Variants in TRPC4AP observed in about 807,000 individuals in gnomAD.
TRPC4AP encodes short transient receptor potential channel 4-associated protein.
TRPC4AP carries 45 observed loss-of-function variants against 99.0 expected under a neutral mutation model. The ratio of observed to expected loss-of-function variants is 0.45; its 90% CI spans 0.36 to 0.58. TRPC4AP has a LOEUF of 0.58. Among genes scored for constraint, TRPC4AP ranks in the 20% least tolerant of loss-of-function variants. TRPC4AP has a pLI of 0.00. For missense variants in TRPC4AP, 879 were observed against 985.3 expected, an observed-to-expected ratio of 0.89 and a Z score of 1.44; for synonymous variants, 408 against 385.8, an observed-to-expected ratio of 1.06 and a Z score of -0.67.
chr20:35,013,456 T>C (rs1332504130), intron 10 of TRPC4AP, among the ~76,000 whole-genome samples: 1 of 152,132 alleles, frequency 6.6e-6, no homozygotes, highest in Non-Finnish European at 1.5e-5. Flanking sequence ...GCTGCGCCTG[T>C]AATTCTGGCT....
intron 8 of TRPC4AP, among the ~76,000 whole-genome samples, chr20:35,022,586 C>G (rs2082918130): frequency 6.6e-6 from 1 of 152,174 alleles, no homozygotes; most frequent in African/African-American, 2.4e-5. Context: ...AAGGTCCTCT[C>G]AAGTTCCTAC....
intron 1 of TRPC4AP, among the ~76,000 whole-genome samples, chr20:35,084,251 A>G (rs894552821): frequency 6.6e-6 from 1 of 151,550 alleles, no homozygotes; most frequent in Non-Finnish European, 1.5e-5. Flanking sequence ...GCCGGGCAAC[A>G]GTGCGAGACT....
At chr20:35,088,729 G>A (rs994974124) in intron 1 of TRPC4AP, among the ~76,000 whole-genome samples, 2 of 152,096 alleles carry the variant, frequency 1.3e-5, no homozygotes, top group Non-Finnish European at 2.9e-5. Flanking sequence ...TTCAATTCAG[G>A]TCCACCTTAC....
At chr20:35,066,594 C>T (rs1023300873) in intron 3 of TRPC4AP, among the ~76,000 whole-genome samples, 1 of 151,958 alleles carries the variant, frequency 6.6e-6, no homozygotes, top group Non-Finnish European at 1.5e-5. Flanking sequence ...AGTCATTACA[C>T]CAAAATAAAC....
chr20:35,025,708 C>T (rs2083013425), intron 8 of TRPC4AP, among the ~76,000 whole-genome samples: 1 of 152,102 alleles, frequency 6.6e-6, no homozygotes, highest in African/African-American at 2.4e-5. Context: ...CCACAAAAAA[C>T]GTTCTTCCAT....
intron 7 of TRPC4AP, among the ~76,000 whole-genome samples, chr20:35,041,735 C>G (rs888395079): frequency 6.6e-6 from 1 of 152,140 alleles, no homozygotes; most frequent in Non-Finnish European, 1.5e-5. Context: ...AGAATAGATT[C>G]CTTAAATGGG....
intron 7 of TRPC4AP, among the ~76,000 whole-genome samples, chr20:35,042,771 A>G (rs998451848): frequency 6.6e-6 from 1 of 152,202 alleles, no homozygotes; most frequent in Non-Finnish European, 1.5e-5. Flanking sequence ...TAGATAGAAC[A>G]CAGTTCTTTT....
At position 35,002,994 on chromosome 20, in the gene TRPC4AP, G is replaced by A; in HGVS notation, c.*152C>T. The A allele has an allele frequency of 9.2e-7, 1 of 1,091,254 alleles. No individual in the cohort carries two copies. Among genetic ancestry groups the A allele is most frequent in the East Asian group, 2.5e-5 (1 of 40,726 alleles). The allele number at this position is 1,091,254 out of a possible 1,614,324, so 67.6% of individuals were successfully genotyped here. A position where few individuals can be genotyped will look rare whatever the true frequency, so the allele number is the denominator to read the frequency against. ...GGCCCTCAGACCCAGGGGGACCAAG[G>A]GCTTCTAGGACTTCCCTCCCACCAA... On this transcript the variant is annotated 3_prime_UTR_variant, in exon 19 of 19. Transcript: ENST00000252015.
chr20:35,008,568 T>C (rs1395529836), intron 13 of TRPC4AP, 96 bp downstream of exon 13: 6 of 1,041,398 alleles, frequency 5.8e-6, no homozygotes, highest in Non-Finnish European at 8.6e-6. Context: ...TCAGGAGGCA[T>C]GGACGCTGGT....
chr20:35,075,767 T>A (rs1263001464), intron 2 of TRPC4AP, among the ~76,000 whole-genome samples: 3 of 152,202 alleles, frequency 2.0e-5, no homozygotes, highest in African/African-American at 7.2e-5. Flanking sequence ...AGTATCTTTG[T>A]GGCGTTCTCT....
intron 3 of TRPC4AP, among the ~76,000 whole-genome samples, chr20:35,063,284 T>C (rs1290712491): frequency 3.9e-5 from 6 of 152,224 alleles, no homozygotes; most frequent in Admixed American, 6.5e-5. Flanking sequence ...TTAAACCTCC[T>C]TCCTTTATAA....
intron 3 of TRPC4AP, among the ~76,000 whole-genome samples, chr20:35,065,101 G>A (rs1199583275): frequency 1.3e-5 from 2 of 152,172 alleles, no homozygotes; most frequent in African/African-American, 2.4e-5. Flanking sequence ...TGCATAGAAT[G>A]TATTTAAAAT....
intron 1 of TRPC4AP, among the ~76,000 whole-genome samples, chr20:35,085,060 G>C (rs144720654): frequency 6.6e-6 from 1 of 152,200 alleles, no homozygotes; most frequent in Non-Finnish European, 1.5e-5. Flanking sequence ...AAAAGAAACA[G>C]CTTTATAACC....
At chr20:35,070,490 A>T (rs2084278739) in intron 2 of TRPC4AP, among the ~76,000 whole-genome samples, 1 of 151,274 alleles carries the variant, frequency 6.6e-6, no homozygotes. Flanking sequence ...GGCTCACTGC[A>T]AGCTCTGCCT....
At chr20:35,076,072 C>T (rs999444097) in intron 2 of TRPC4AP, among the ~76,000 whole-genome samples, 1 of 152,130 alleles carries the variant, frequency 6.6e-6, no homozygotes, top group African/African-American at 2.4e-5. Flanking sequence ...CTTGTGCATG[C>T]GTCACGTAGT....
Position 35,092,807 on chromosome 20 carries a change from C to T in TRPC4AP, c.-26G>A, listed in dbSNP as rs756743025. 1 of 1,495,314 alleles carries T rather than the reference C, an allele frequency of 6.7e-7. No homozygotes were observed. The highest frequency in any genetic ancestry group is 2.7e-5 in the East Asian group (1 of 37,520). 92.6% of individuals were successfully genotyped at this position (1,495,314 alleles called of 1,614,324 possible). On this transcript the variant is annotated 5_prime_UTR_variant, in exon 1 of 19. Coordinates refer to ENST00000252015, the MANE Select transcript of TRPC4AP (RefSeq NM_015638.3). ...GTCTCCTCGTCGGACAAACAGGAAGCAAGCGGCCTCGGGGCCGCGGAGATT... is the reference window on the plus strand; with the variant it reads ...GTCTCCTCGTCGGACAAACAGGAAGTAAGCGGCCTCGGGGCCGCGGAGATT...
chr20:35,086,575 G>GTGTGTGTATATA (rs1555919531), intron 1 of TRPC4AP, among the ~76,000 whole-genome samples: 4 of 89,790 alleles, frequency 4.5e-5, no homozygotes, highest in Admixed American at 1.2e-4. Flanking sequence ...GTGTGTGTGT[G>GTGTGTGTATATA]TATATATATA....
intron 11 of TRPC4AP, among the ~76,000 whole-genome samples, 188 bp from the exon 12 acceptor site, chr20:35,010,476 G>A (rs1408620079): frequency 1.3e-5 from 2 of 152,056 alleles, no homozygotes; most frequent in Non-Finnish European, 1.5e-5. Flanking sequence ...CTCAGGCAGT[G>A]GAATCTCTCC....
Position 35,002,795 on chromosome 20 carries a change from A to C in TRPC4AP, c.*351T>G. On this transcript the variant is annotated 3_prime_UTR_variant, in exon 19 of 19. Transcript: ENST00000252015. ...CAGATGGGGGGTGGGGGTCACCCATATCTTCCTCCCCACTCTGGGACTGAC... is the reference window on the plus strand; with the variant it reads ...CAGATGGGGGGTGGGGGTCACCCATCTCTTCCTCCCCACTCTGGGACTGAC... 4.7e-6 allele frequency: 1 copy of C among 213,634 alleles called. No homozygotes were observed. Among genetic ancestry groups the C allele is most frequent in the Non-Finnish European group, 9.4e-6 (1 of 106,378 alleles). The allele number at this position is 213,634 out of a possible 1,614,324, so 13.2% of individuals were successfully genotyped here.
Sources: gnomAD v4.1 joint callset for allele counts (sites outside exome capture counted in the v4.1 genomes callset) on GRCh38, gnomAD v4.1.1 for gene constraint, MANE v1.5 for transcripts, NCBI Gene and HGNC (gene_info 2026-07-23, HGNC 2026-07-21) for gene names.